Variants in MGAT4C observed in about 807,000 individuals in gnomAD.
MGAT4C encodes the protein MGAT4 family member C, also known as alpha-1,3-mannosyl-glycoprotein 4-beta-N-acetylglucosaminyltransferase C.
MGAT4C carries 19 observed loss-of-function variants against 40.1 expected under a neutral mutation model. The observed-to-expected ratio is 0.47, with a 90% CI of 0.33 to 0.70. MGAT4C has a LOEUF of 0.70. Ranked by LOEUF, MGAT4C falls within the 30% of genes least tolerant of loss-of-function variation. The pLI, the probability that MGAT4C is intolerant of heterozygous loss-of-function variation, is 0.02. For missense variants in MGAT4C, 491 were observed against 563.2 expected, an observed-to-expected ratio of 0.87 and a Z score of 1.30; for synonymous variants, 181 against 187.1, an observed-to-expected ratio of 0.97 and a Z score of 0.27.
rs1883851168 is a variant in MGAT4C, at chr12:85,974,805, A to G, written c.*4484T>C. ...ATTCAAAGTAATGGAAAACTCAACA[A>G]TGAAACTCAAAGTAGACTAGCAGAT... is the stretch of plus-strand genomic sequence containing the variant. On this transcript the variant is annotated 3_prime_UTR_variant, in exon 5 of 5. Coordinates refer to ENST00000611864, the MANE Select transcript of MGAT4C (RefSeq NM_001351288.2). 6.6e-6 allele frequency: 1 copy of G among 150,788 alleles called. No homozygotes were observed. The allele number at this position is 150,788 out of a possible 1,614,324, so 9.3% of individuals were successfully genotyped here.
intron 1 of MGAT4C, among the ~76,000 whole-genome samples, chr12:86,203,427 T>TA (rs1247087012): frequency 2.0e-4 from 30 of 152,146 alleles, no homozygotes; most frequent in African/African-American, 7.2e-4. Flanking sequence ...AGCATGAACA[T>TA]ATGAAGCTCA....
intron 1 of MGAT4C, among the ~76,000 whole-genome samples, chr12:86,802,062 C>A (rs1952239639): frequency 6.6e-6 from 1 of 151,892 alleles, no homozygotes. Context: ...TCAGGACTGG[C>A]ACTGGATCAT....
intron 3 of MGAT4C, among the ~76,000 whole-genome samples, chr12:86,354,182 A>G (rs897891720): frequency 2.0e-5 from 3 of 152,170 alleles, no homozygotes; most frequent in African/African-American, 7.2e-5. Context: ...AATTATAGTG[A>G]ATAGAAGTTG....
chr12:86,685,217 G>T (rs1400722041), intron 2 of MGAT4C, among the ~76,000 whole-genome samples: 5 of 152,070 alleles, frequency 3.3e-5, no homozygotes, highest in East Asian at 3.9e-4. Context: ...TTTACATGAG[G>T]TGTAAAGAAG....
chr12:86,670,822 A>G (rs2136563390), intron 2 of MGAT4C, among the ~76,000 whole-genome samples: 1 of 152,314 alleles, frequency 6.6e-6, no homozygotes, highest in Non-Finnish European at 1.5e-5. Flanking sequence ...ATTTTTCCAG[A>G]GTGCTCCCCA....
At chr12:86,296,370 G>GAA (rs1478938165) in intron 4 of MGAT4C, among the ~76,000 whole-genome samples, 2 of 38,036 alleles carry the variant, frequency 5.3e-5, no homozygotes, top group Non-Finnish European at 7.6e-5. Flanking sequence ...GGCTGCAGGT[G>GAA]GAGCTGCCTG....
chr12:86,459,775 T>C (rs184066511), intron 2 of MGAT4C, among the ~76,000 whole-genome samples: 2 of 143,026 alleles, frequency 1.4e-5, no homozygotes, highest in Admixed American at 1.5e-4. Flanking sequence ...TAAGGGGAAG[T>C]ATCCACAATC....
chr12:86,115,822 A>G (rs1040354135), intron 1 of MGAT4C, among the ~76,000 whole-genome samples: 11 of 152,086 alleles, frequency 7.2e-5, no homozygotes, highest in African/African-American at 1.7e-4. Flanking sequence ...TTGAACATCT[A>G]TCTACCTTGT....
chr12:85,966,540 C>T lies in MGAT4C; in HGVS notation c.*12749G>A, dbSNP rs1443735692. The T allele has an allele frequency of 6.6e-6, 1 of 152,112 alleles. No individual in the cohort carries two copies. The highest frequency in any genetic ancestry group is 2.4e-5 in the African/African-American group (1 of 41,416). 9.4% of individuals were successfully genotyped at this position (152,112 alleles called of 1,614,324 possible). A position where few individuals can be genotyped will look rare whatever the true frequency, so the allele number is the denominator to read the frequency against. ...GAAATACCATTTGACCCAGCCATCC[C>T]ATTACTGGGTATATACCCAAAGGAT... On this transcript the variant is annotated 3_prime_UTR_variant, in exon 5 of 5. Coordinates refer to ENST00000611864, the MANE Select transcript of MGAT4C (RefSeq NM_001351288.2).
chr12:86,784,477 A>G (rs2136186962), intron 1 of MGAT4C, among the ~76,000 whole-genome samples: 1 of 152,224 alleles, frequency 6.6e-6, no homozygotes, highest in Middle Eastern at 3.4e-3. Flanking sequence ...TGAACCAGAA[A>G]AACAAAAACT....
intron 2 of MGAT4C, among the ~76,000 whole-genome samples, chr12:86,472,841 A>C (rs773291057): frequency 8.5e-5 from 13 of 152,226 alleles, no homozygotes; most frequent in Non-Finnish European, 1.8e-4. Flanking sequence ...AAGAAGAAAG[A>C]AAATGAAATA....
intron 1 of MGAT4C, among the ~76,000 whole-genome samples, chr12:86,169,232 G>A (rs970879114): frequency 1.3e-4 from 20 of 152,190 alleles, no homozygotes; most frequent in African/African-American, 4.1e-4. Flanking sequence ...TAAAGATGAA[G>A]GCAAAAAACC....
intron 1 of MGAT4C, among the ~76,000 whole-genome samples, chr12:86,190,054 T>A (rs1256468521): frequency 1.3e-5 from 2 of 152,106 alleles, no homozygotes; most frequent in Admixed American, 6.6e-5. Flanking sequence ...GGACATTTGA[T>A]GACACCTTTT....
At chr12:86,562,709 T>C (rs1959927458) in intron 2 of MGAT4C, among the ~76,000 whole-genome samples, 1 of 151,832 alleles carries the variant, frequency 6.6e-6, no homozygotes, top group South Asian at 2.1e-4. Flanking sequence ...CATGAGGAGG[T>C]GCACTACACT....
At chr12:86,118,270 T>G (rs1332009959) in intron 1 of MGAT4C, among the ~76,000 whole-genome samples, 1 of 152,166 alleles carries the variant, frequency 6.6e-6, no homozygotes, top group Admixed American at 6.6e-5. Flanking sequence ...CCAGGAAGTT[T>G]GCAATGACTT....
chr12:86,423,215 C>A (rs1956862295), intron 3 of MGAT4C, among the ~76,000 whole-genome samples: 1 of 151,970 alleles, frequency 6.6e-6, no homozygotes, highest in South Asian at 2.1e-4. Flanking sequence ...TGTATCAAAA[C>A]TTTATGGATT....
At chr12:86,097,692 A>G (rs1485481526) in intron 1 of MGAT4C, among the ~76,000 whole-genome samples, 1 of 151,576 alleles carries the variant, frequency 6.6e-6, no homozygotes, top group East Asian at 1.9e-4. Context: ...GAAACTACAT[A>G]GGTGTGTTTA....
intron 1 of MGAT4C, among the ~76,000 whole-genome samples, chr12:86,168,876 AC>A (rs1256922704): frequency 6.6e-6 from 1 of 152,146 alleles, no homozygotes; most frequent in African/African-American, 2.4e-5. Flanking sequence ...CAGGTCCCGT[AC>A]CATTACAGCT....
At chr12:86,537,954 G>T (rs1332626726) in intron 2 of MGAT4C, among the ~76,000 whole-genome samples, 1 of 152,108 alleles carries the variant, frequency 6.6e-6, no homozygotes, top group Non-Finnish European at 1.5e-5. Context: ...AGGCGTGGTG[G>T]TGGGCGCCTG....
Sources: allele counts gnomAD v4.1 joint callset (sites outside exome capture counted in the v4.1 genomes callset), GRCh38; gene constraint gnomAD v4.1.1; transcripts MANE v1.5; gene names NCBI Gene and HGNC (gene_info 2026-07-23, HGNC 2026-07-21).